Variants in SLC12A7 observed in about 807,000 individuals in gnomAD.
SLC12A7 encodes the protein K-Cl cotransporter 4.
In SLC12A7, 100 loss-of-function variants were observed where a neutral mutation model predicts 120.6. The ratio of observed to expected loss-of-function variants is 0.83; its 90% CI spans 0.71 to 0.98. The LOEUF (loss-of-function observed/expected upper bound fraction) is 0.98. Ranked by LOEUF, SLC12A7 falls within the 50% of genes least tolerant of loss-of-function variation. SLC12A7 has a pLI of 0.00. For synonymous variants in SLC12A7, 760 were observed against 678.0 expected (o/e 1.12, Z -1.88); for missense variants, 1,373 against 1,548.1 (o/e 0.89, Z 1.90).
At chr5:1,105,878 C>G (rs148216536) in intron 1 of SLC12A7, among the ~76,000 whole-genome samples, 1 of 152,324 alleles carries the variant, frequency 6.6e-6, no homozygotes, top group East Asian at 1.9e-4. Flanking sequence ...ATGCCGTCCA[C>G]GCCCAGCCCC....
intron 22 of SLC12A7, chr5:1,057,183 C>T: frequency 2.5e-6 from 1 of 403,654 alleles, no homozygotes; most frequent in Non-Finnish European, 4.4e-6. Flanking sequence ...CAGCGCTTGG[C>T]ACTAGAAGGA....
intron 2 of SLC12A7, 67 bp from the exon 3 acceptor site, chr5:1,093,722 G>A (rs923658904): frequency 6.1e-5 from 98 of 1,595,526 alleles, no homozygotes; most frequent in Non-Finnish European, 7.3e-5. Flanking sequence ...CTCCCTCCCC[G>A]TGTTCAGGGT....
the SLC12A7 span, among the ~76,000 whole-genome samples, chr5:1,128,145 G>A: frequency 6.6e-6 from 1 of 152,344 alleles, no homozygotes; most frequent in African/African-American, 2.4e-5. Context: ...GGGAGTGGGC[G>A]TGGCTGGGAG....
Position 1,060,460 on chromosome 5 carries a change from T to A in SLC12A7, c.2740-9A>T. The A allele has an allele frequency of 6.2e-7, 1 of 1,605,450 alleles. No homozygotes were observed. The highest frequency in any genetic ancestry group is 8.5e-7 in the Non-Finnish European group (1 of 1,172,716). On this transcript the variant is annotated splice_polypyrimidine_tract_variant and intron_variant, in intron 20 of 23. Transcript: ENST00000264930. ...GATATGTCGTTTTCAACCTAGAAAG[T>A]TCCCAAGCACGTAGTAAGCCCGGTG...
chr5:1,088,686 C>T (rs1037321037), intron 4 of SLC12A7, among the ~76,000 whole-genome samples: 1 of 152,236 alleles, frequency 6.6e-6, no homozygotes, highest in African/African-American at 2.4e-5. Context: ...ATGACACCCA[C>T]CACTGGCTGA....
chr5:1,107,077 C>T (rs982394257), intron 1 of SLC12A7, among the ~76,000 whole-genome samples: 15 of 152,340 alleles, frequency 9.8e-5, no homozygotes, highest in East Asian at 7.7e-4. Flanking sequence ...GTGTAACACA[C>T]GGGTTCAGTG....
chr5:1,066,533 A>C (rs1240363103), intron 17 of SLC12A7, among the ~76,000 whole-genome samples: 1 of 152,176 alleles, frequency 6.6e-6, no homozygotes, highest in Non-Finnish European at 1.5e-5. Context: ...TAGTGCCCCC[A>C]AAAAAGAGGA....
chr5:1,091,421 A>G (rs1342993931), intron 3 of SLC12A7, among the ~76,000 whole-genome samples: 1 of 152,176 alleles, frequency 6.6e-6, no homozygotes. Flanking sequence ...AGCTGGAGCT[A>G]AAGCCTGTTC....
At chr5:1,117,809 C>T in the SLC12A7 span, among the ~76,000 whole-genome samples, 9 of 152,344 alleles carry the variant, frequency 5.9e-5, no homozygotes, top group East Asian at 1.5e-3. The surrounding 1 kb of genome is among the most constrained non-coding windows in gnomAD (Gnocchi z 4.5). Flanking sequence ...CGGTAGCTCA[C>T]GCCTGTAGTC....
At chr5:1,084,468 G>C (rs529015946) in intron 7 of SLC12A7, among the ~76,000 whole-genome samples, 1 of 152,196 alleles carries the variant, frequency 6.6e-6, no homozygotes, top group African/African-American at 2.4e-5. Flanking sequence ...AGCCACCCTC[G>C]TGCCACGTGC....
At chr5:1,077,653 T>G (rs1738513695) in intron 12 of SLC12A7, among the ~76,000 whole-genome samples, 180 bp downstream of exon 12, 1 of 151,844 alleles carries the variant, frequency 6.6e-6, no homozygotes, top group African/African-American at 2.4e-5. Flanking sequence ...GAATTGCCTC[T>G]GCCCACCACC....
rs1734967014 is a variant in SLC12A7, at chr5:1,050,919, T to A, written c.*1441A>T. ...TCTGCCCCGATTTGAACTTTGTTGA[T>A]GGGGCTGATTCCCTTGGGAGACCAT... On this transcript the variant is annotated 3_prime_UTR_variant, in exon 24 of 24. Transcript: ENST00000264930. The A allele has an allele frequency of 2.5e-6, 1 of 398,546 alleles. No individual in the cohort carries two copies. 24.7% of individuals were successfully genotyped at this position (398,546 alleles called of 1,614,324 possible). A position where few individuals can be genotyped will look rare whatever the true frequency, so the allele number is the denominator to read the frequency against.
chr5:1,070,085 T>C lies in SLC12A7; in HGVS notation c.2241+3548A>G, dbSNP rs867294730. On this transcript the variant is annotated intron_variant, in intron 17 of 23. Coordinates refer to ENST00000264930, the MANE Select transcript of SLC12A7 (RefSeq NM_006598.3). ...CCCCAGCACACGGGCATCACACTTA[T>C]GCAGCCCCCAGTGAGCCCCCAGCAC... Among the ~76,000 whole-genome samples, 78 of 21,084 alleles carry C rather than the reference T, an allele frequency of 3.7e-3. 21 individuals carry two copies. The African/African-American group carries it at 0.043, about 12-fold the overall frequency. The allele number at this position is 21,084 out of a possible 152,430, so 13.8% of individuals were successfully genotyped here.
At chr5:1,076,577 T>C (rs1738371035) in intron 13 of SLC12A7, 117 bp downstream of exon 13, 7 of 757,180 alleles carry the variant, frequency 9.2e-6, no homozygotes, top group Non-Finnish European at 4.4e-6. Flanking sequence ...GGATCCTGAC[T>C]GCCCACAGCT....
rs1738393515 is a variant in SLC12A7, at chr5:1,076,760, G to C, written c.1682C>G (p.Thr561Arg). 2 of 1,611,454 alleles carry C rather than the reference G, an allele frequency of 1.2e-6. No homozygotes were observed. The highest frequency in any genetic ancestry group is 8.5e-7 in the Non-Finnish European group (1 of 1,179,980). Residue 561 changes from threonine to arginine, a missense_variant, in exon 13 of 24, where the codon ACA becomes AGA. Coordinates refer to ENST00000264930, the MANE Select transcript of SLC12A7 (RefSeq NM_006598.3). ...GATGCCAGTCTCGCAGATGAGGACT[G>C]TCAGCAGCAGCGCCCACGTGGGCTC... ...NGEPTWALLL[T>R]VLICETGILI...
At position 1,055,636 on chromosome 5, in the gene SLC12A7, G is replaced by A. The variant is rs1007891717; in HGVS notation, c.3026+1835C>T. Among the ~76,000 whole-genome samples, 3 of 152,208 alleles carry A rather than the reference G, an allele frequency of 2.0e-5. No individual in the cohort carries two copies. In the East Asian group the frequency reaches 5.8e-4, roughly 29 times the overall value. On this transcript the variant is annotated intron_variant, in intron 22 of 23. Transcript: ENST00000264930. ...TGACCCTACAGGCCTGTGGGGACCTGCCCCCGCCCCGACCAAGGGGAGGCA... is the reference window on the plus strand; with the variant it reads ...TGACCCTACAGGCCTGTGGGGACCTACCCCCGCCCCGACCAAGGGGAGGCA...
intron 3 of SLC12A7, 108 bp from the exon 4 acceptor site, chr5:1,089,236 G>A: frequency 3.4e-6 from 4 of 1,179,090 alleles, no homozygotes; most frequent in Non-Finnish European, 4.7e-6. Context: ...CGTGGGGGCA[G>A]GAGGGGGCAG....
chr5:1,136,831 G>A, the SLC12A7 span, among the ~76,000 whole-genome samples: 405 of 132,404 alleles, frequency 3.1e-3, 4 homozygotes, highest in African/African-American at 0.012. Context: ...ACCAGGACAC[G>A]CAGGCACACA....
intron 11 of SLC12A7, among the ~76,000 whole-genome samples, chr5:1,078,237 G>C (rs1416993603): frequency 6.6e-6 from 1 of 152,116 alleles, no homozygotes; most frequent in African/African-American, 2.4e-5. Flanking sequence ...CTCACCTCAG[G>C]GTCGCTCTTG....
Sources: allele counts gnomAD v4.1 joint callset (sites outside exome capture counted in the v4.1 genomes callset), GRCh38; gene constraint gnomAD v4.1.1; non-coding constraint Gnocchi (gnomAD v3.1); transcripts MANE v1.5; gene names NCBI Gene and HGNC (gene_info 2026-07-23, HGNC 2026-07-21).